Variants in KIF24 observed in about 807,000 individuals in gnomAD.
KIF24 encodes kinesin family member 24.
Under a neutral mutation model 118.9 loss-of-function variants are expected in KIF24, and 81 were observed. The observed-to-expected ratio is 0.68, with a 90% confidence interval of 0.57 to 0.82. The LOEUF (loss-of-function observed/expected upper bound fraction) is 0.82. Ranked by LOEUF, KIF24 falls within the 40% of genes least tolerant of loss-of-function variation. The pLI, the probability that KIF24 is intolerant of heterozygous loss-of-function variation, is 0.00. For synonymous variants in KIF24, 599 were observed against 610.0 expected, an observed-to-expected ratio of 0.98 and a Z score of 0.27; for missense variants, 1,560 against 1,661.6, an observed-to-expected ratio of 0.94 and a Z score of 1.06.
At chr9:34,284,160 T>C (rs1241513948) in intron 6 of KIF24, among the ~76,000 whole-genome samples, 1 of 151,942 alleles carries the variant, frequency 6.6e-6, no homozygotes, top group Non-Finnish European at 1.5e-5. Flanking sequence ...CCCAGCTACT[T>C]GGGAAGCTGA....
intron 6 of KIF24, among the ~76,000 whole-genome samples, chr9:34,281,046 G>A (rs2131728863): frequency 6.6e-6 from 1 of 152,156 alleles, no homozygotes; most frequent in East Asian, 1.9e-4. Flanking sequence ...TCTTTTTTGA[G>A]ATGGAGTCTT....
At chr9:34,287,962 C>T (rs1836112993) in intron 5 of KIF24, among the ~76,000 whole-genome samples, 1 of 151,504 alleles carries the variant, frequency 6.6e-6, no homozygotes, top group South Asian at 2.1e-4. Flanking sequence ...TGCTGTCATT[C>T]CTGAACATAT....
At chr9:34,299,374 G>A (rs1339959889) in intron 3 of KIF24, among the ~76,000 whole-genome samples, 1 of 151,646 alleles carries the variant, frequency 6.6e-6, no homozygotes, top group East Asian at 1.9e-4. Flanking sequence ...AAAGACGGGG[G>A]TCTCATCATG....
chr9:34,255,835 G>A lies in KIF24; in HGVS notation c.3772C>T (p.Pro1258Ser), dbSNP rs762817739. The A allele has an allele frequency of 9.3e-6, 15 of 1,613,980 alleles. No homozygotes were observed. In the East Asian group the frequency reaches 3.1e-4, roughly 34 times the overall value. ...SENVTWLKPRPISRCLARPSS... is the reference protein window; with the variant it reads ...SENVTWLKPRSISRCLARPSS... The stretch of plus-strand genomic sequence containing the variant: ...GGCCTTGCTAAGCACCTTGAGATCG[G>A]CCTGGGTTTGAGCCATGTGACATTT... The change falls in exon 11 of 13, where the codon CCG becomes TCG. Residue 1258 changes from proline to serine, a missense_variant. Physicochemically the swap from Pro to Ser is moderately conservative, Grantham distance 74. This residue lies in a region of KIF24 where 591 missense variants were observed against 655.6 expected (regional missense o/e 0.90). Coordinates refer to ENST00000402558, the MANE Select transcript of KIF24 (RefSeq NM_194313.4).
chr9:34,311,719 T>C (rs10972052), intron 1 of KIF24, among the ~76,000 whole-genome samples: 8 of 136,326 alleles, frequency 5.9e-5, no homozygotes, highest in Non-Finnish European at 1.2e-4. Flanking sequence ...CGTATATATG[T>C]ATATACACGT....
At chr9:34,328,823 T>C (rs969807346) in intron 1 of KIF24, among the ~76,000 whole-genome samples, 9 of 152,170 alleles carry the variant, frequency 5.9e-5, no homozygotes, top group African/African-American at 2.2e-4. Flanking sequence ...GTCAGGCTTA[T>C]CGGTTCAAAA....
chr9:34,266,028 G>C (rs901886122), intron 8 of KIF24, among the ~76,000 whole-genome samples: 2 of 152,010 alleles, frequency 1.3e-5, no homozygotes, highest in African/African-American at 4.8e-5. Context: ...AAGTAGCTGT[G>C]ACTACAGGCG....
At chr9:34,316,033 C>T (rs1446985159) in intron 1 of KIF24, among the ~76,000 whole-genome samples, 1 of 150,856 alleles carries the variant, frequency 6.6e-6, no homozygotes, top group Non-Finnish European at 1.5e-5. Context: ...TGTCACCCCC[C>T]CAAAAAAAAA....
intron 9 of KIF24, among the ~76,000 whole-genome samples, 155 bp from the exon 10 acceptor site, chr9:34,259,860 A>G (rs958857377): frequency 1.3e-5 from 2 of 152,200 alleles, no homozygotes; most frequent in Non-Finnish European, 2.9e-5. Flanking sequence ...GCCAATAAAC[A>G]CAGAAAAAGG....
At chr9:34,290,597 CTTT>C (rs374738317) in intron 4 of KIF24, among the ~76,000 whole-genome samples, 5 of 137,648 alleles carry the variant, frequency 3.6e-5, no homozygotes. Flanking sequence ...ACAAGTTTTC[CTTT>C]TTTTTTTTTT....
chr9:34,290,859 C>T (rs2131753155), intron 4 of KIF24, among the ~76,000 whole-genome samples: 1 of 152,192 alleles, frequency 6.6e-6, no homozygotes, highest in South Asian at 2.1e-4. Context: ...CTCGGCCACT[C>T]AAAGTGCTGG....
Position 34,257,926 on chromosome 9 carries a change from G to T in KIF24, c.1681C>A (p.Arg561=), listed in dbSNP as rs144983593. 7.2e-5 allele frequency: 116 copies of T among 1,613,730 alleles called. No individual in the cohort carries two copies. The highest frequency in any genetic ancestry group is 9.1e-5 in the Non-Finnish European group (107 of 1,179,816). ...TTTGGAGAGGAGTTTCCAGATGTCC[G>T]ATTTCGACTGGTAACTGAAGTGCAA... ...KCCTSVTSRN[R]TSGNSSPKRI... Residue 561 remains arginine (R), a synonymous_variant, in exon 11 of 13, where the codon CGG becomes AGG. Transcript: ENST00000402558.
At position 34,285,753 on chromosome 9, in the gene KIF24, T is replaced by C. The variant is rs548872145; in HGVS notation, c.1215+864A>G. 3.0e-5 allele frequency among the ~76,000 whole-genome samples: 4 copies of C among 132,726 alleles called. No individual in the cohort carries two copies. In the East Asian group the frequency reaches 8.9e-4, roughly 29 times the overall value. 87.1% of individuals were successfully genotyped at this position (132,726 alleles called of 152,430 possible). On this transcript the variant is annotated intron_variant, in intron 6 of 12. Coordinates refer to ENST00000402558, the MANE Select transcript of KIF24 (RefSeq NM_194313.4). ...TTGCGCCACTGCACTCCAGCCTAGG[T>C]GACAAAGTGAGACTCCATCTCAAAA...
chr9:34,290,493 G>A (rs1201225618), intron 4 of KIF24, 104 bp from the exon 5 acceptor site: 2 of 687,494 alleles, frequency 2.9e-6, no homozygotes, highest in African/African-American at 3.6e-5. Context: ...GAATCTTAGA[G>A]AAAATTCAGC....
At chr9:34,288,643 C>T (rs935250428) in intron 5 of KIF24, among the ~76,000 whole-genome samples, 2 of 151,868 alleles carry the variant, frequency 1.3e-5, no homozygotes, top group African/African-American at 4.8e-5. Flanking sequence ...ACATGAACCC[C>T]ACAGGCCATG....
chr9:34,318,868 C>T lies in KIF24; in HGVS notation c.-25-7497G>A, dbSNP rs61751726. ...TGCGCAGCAGCAAGCAGCACTACAA[C>T]TGCGAGCACTCCAAGATCAATTTCC... On this transcript the variant is annotated intron_variant, in intron 1 of 12. Transcript: ENST00000402558. The surrounding 1 kb of genome is among the most constrained non-coding windows in gnomAD (Gnocchi z 4.9). 1 of 1,601,260 alleles carries T rather than the reference C, an allele frequency of 6.2e-7. No individual in the cohort carries two copies. The highest frequency in any genetic ancestry group is 8.5e-7 in the Non-Finnish European group (1 of 1,171,578).
At chr9:34,294,390 T>C (rs1209330595) in intron 4 of KIF24, among the ~76,000 whole-genome samples, 1 of 152,076 alleles carries the variant, frequency 6.6e-6, no homozygotes, top group Non-Finnish European at 1.5e-5. Flanking sequence ...ACCCCATCTC[T>C]ACTAAAAAAT....
At chr9:34,322,645 G>T (rs1837559791) in intron 1 of KIF24, among the ~76,000 whole-genome samples, 1 of 152,090 alleles carries the variant, frequency 6.6e-6, no homozygotes, top group Non-Finnish European at 1.5e-5. Context: ...CTTAAGCCCA[G>T]GAGTTTGAGA....
Position 34,310,933 on chromosome 9 carries a change from T to G in KIF24, c.414A>C (p.Glu138Asp). 1 of 1,613,856 alleles carries G rather than the reference T, an allele frequency of 6.2e-7. No homozygotes were observed. Residue 138 changes from glutamate to aspartate, a missense_variant, in exon 2 of 13, where the codon GAA becomes GAC. This residue lies in a region of KIF24 where 964 missense variants were observed against 988.0 expected (regional missense o/e 0.98). Transcript: ENST00000402558. ...EQKSTYLKVL[E>D]HMLPDDSQYH... ...ACTGGGAATCATCTGGTAGCATGTG[T>G]TCTAGCACTTTTAGGTAAGTGGACT...
Sources: allele counts gnomAD v4.1 joint callset (sites outside exome capture counted in the v4.1 genomes callset), GRCh38; gene constraint gnomAD v4.1.1; regional missense constraint gnomAD v4.1.1; non-coding constraint Gnocchi (gnomAD v3.1); transcripts MANE v1.5; gene names NCBI Gene and HGNC (gene_info 2026-07-23, HGNC 2026-07-21).